The following GABRG1 variants were observed in gnomAD, a reference collection of about 807,000 sequenced individuals.
GABRG1 encodes the protein gamma-aminobutyric acid type A receptor subunit gamma1.
In GABRG1, 49 loss-of-function variants were observed where a neutral mutation model predicts 49.8. The ratio of observed to expected loss-of-function variants is 0.98; its 90% CI spans 0.78 to 1.25. GABRG1 has a LOEUF of 1.25. GABRG1 is among the 50% of genes most tolerant of loss of function. The probability of loss-of-function intolerance (pLI) is 0.00; values close to 1 mark genes in which losing one functional copy is unlikely to be tolerated. For missense variants in GABRG1, 552 were observed against 552.3 expected, an observed-to-expected ratio of 1.00 and a Z score of 0.01; for synonymous variants, 232 against 185.1, an observed-to-expected ratio of 1.25 and a Z score of -2.06.
intron 8 of GABRG1, among the ~76,000 whole-genome samples, chr4:46,051,128 A>C (rs1718201065): frequency 6.6e-6 from 1 of 151,948 alleles, no homozygotes; most frequent in Admixed American, 6.6e-5. Flanking sequence ...TAACACAAAA[A>C]ATCGGATCAA....
intron 1 of GABRG1, among the ~76,000 whole-genome samples, chr4:46,119,974 T>G (rs1471874496): frequency 6.6e-6 from 1 of 151,778 alleles, no homozygotes; most frequent in Non-Finnish European, 1.5e-5. Context: ...TTTCTTTTCA[T>G]ATAAAATTTT....
intron 8 of GABRG1, among the ~76,000 whole-genome samples, chr4:46,044,678 G>A (rs190374346): frequency 2.4e-4 from 36 of 152,200 alleles, no homozygotes; most frequent in African/African-American, 7.7e-4. Context: ...CTTCCACTCA[G>A]TATAAGGAAG....
intron 5 of GABRG1, among the ~76,000 whole-genome samples, chr4:46,062,563 C>A (rs1049691425): frequency 6.6e-6 from 1 of 152,130 alleles, no homozygotes; most frequent in African/African-American, 2.4e-5. Flanking sequence ...TTAATGATCG[C>A]CATTTTAACT....
chr4:46,071,576 A>G (rs1368483072), intron 3 of GABRG1, among the ~76,000 whole-genome samples: 2 of 151,850 alleles, frequency 1.3e-5, no homozygotes, highest in East Asian at 3.9e-4. Flanking sequence ...ACGTATTGTT[A>G]TCAGATCAGA....
intron 8 of GABRG1, among the ~76,000 whole-genome samples, chr4:46,041,497 T>C (rs1717782704): frequency 6.6e-6 from 1 of 151,912 alleles, no homozygotes; most frequent in East Asian, 1.9e-4. Context: ...TTTTATACAT[T>C]TAGAAAGTTG....
intron 5 of GABRG1, among the ~76,000 whole-genome samples, chr4:46,063,850 C>T (rs1228799572): frequency 6.6e-6 from 1 of 152,046 alleles, no homozygotes. Context: ...ACAAACAACC[C>T]CACCAAAAAG....
intron 2 of GABRG1, among the ~76,000 whole-genome samples, chr4:46,085,334 T>C (rs1719717823): frequency 6.6e-6 from 1 of 151,598 alleles, no homozygotes; most frequent in African/African-American, 2.4e-5. Context: ...AAAATAACTC[T>C]GGCATTTTAG....
At chr4:46,059,212 T>C (rs1718574071) in intron 5 of GABRG1, among the ~76,000 whole-genome samples, 1 of 152,182 alleles carries the variant, frequency 6.6e-6, no homozygotes, top group African/African-American at 2.4e-5. Context: ...TATTTTCTGT[T>C]GGCTATAACC....
chr4:46,077,185 G>C (rs533288799), intron 3 of GABRG1, among the ~76,000 whole-genome samples: 78 of 151,276 alleles, frequency 5.2e-4, no homozygotes, highest in Admixed American at 3.6e-3. Flanking sequence ...AGCATTAGGA[G>C]ATATACCTAA....
intron 3 of GABRG1, among the ~76,000 whole-genome samples, chr4:46,080,902 GTACTAC>G (rs1188080776): frequency 6.6e-6 from 1 of 151,724 alleles, no homozygotes; most frequent in Non-Finnish European, 1.5e-5. Flanking sequence ...TTTTAGCAAT[GTACTAC>G]TTTATGAAAT....
Position 46,039,529 on chromosome 4 carries a change from G to A in GABRG1, c.*1459C>T, listed in dbSNP as rs1403324364. 3.3e-5 allele frequency: 5 copies of A among 151,754 alleles called. No homozygotes were observed. Among genetic ancestry groups the A allele is most frequent in the Non-Finnish European group, 5.9e-5 (4 of 67,766 alleles). 9.4% of individuals were successfully genotyped at this position (151,754 alleles called of 1,614,324 possible). ...TCAAACCTTAAGTAAGATAGGCTGT[G>A]ATCATAAAACTCTTCATCATGGTCA... On this transcript the variant is annotated 3_prime_UTR_variant, in exon 9 of 9. Transcript: ENST00000295452.
At chr4:46,107,650 G>T (rs938951409) in intron 1 of GABRG1, among the ~76,000 whole-genome samples, 2 of 150,730 alleles carry the variant, frequency 1.3e-5, no homozygotes, top group Non-Finnish European at 3.0e-5. Flanking sequence ...TAGAAATGAT[G>T]ATTCTCTTGA....
At chr4:46,106,708 T>C (rs76485713) in intron 1 of GABRG1, among the ~76,000 whole-genome samples, 3,069 of 151,464 alleles carry the variant, frequency 0.02, 104 homozygotes, top group African/African-American at 0.069. Context: ...CCTTTCCTTG[T>C]AACATATCCT....
At chr4:46,060,777 C>T (rs75252674) in intron 5 of GABRG1, among the ~76,000 whole-genome samples, 2,697 of 152,078 alleles carry the variant, frequency 0.018, 91 homozygotes, top group African/African-American at 0.061. Context: ...ATTTTGATTT[C>T]TATAGTTTCT....
chr4:46,088,030 G>A (rs943569192), intron 2 of GABRG1, among the ~76,000 whole-genome samples: 1 of 151,990 alleles, frequency 6.6e-6, no homozygotes, highest in Non-Finnish European at 1.5e-5. Context: ...TTCAAGTACA[G>A]AACAGCCACT....
intron 3 of GABRG1, among the ~76,000 whole-genome samples, chr4:46,076,982 C>T (rs1343043611): frequency 1.3e-5 from 2 of 150,640 alleles, no homozygotes; most frequent in Non-Finnish European, 3.0e-5. Flanking sequence ...GGAACTATTC[C>T]ACATGTAAAA....
chr4:46,096,703 C>T (rs1044806804), intron 2 of GABRG1, among the ~76,000 whole-genome samples: 1 of 149,882 alleles, frequency 6.7e-6, no homozygotes, highest in African/African-American at 2.5e-5. Flanking sequence ...AAAAAAGTGT[C>T]CTTAAAAAAG....
chr4:46,047,635 A>G (rs980633482), intron 8 of GABRG1, among the ~76,000 whole-genome samples: 1 of 151,998 alleles, frequency 6.6e-6, no homozygotes, highest in Non-Finnish European at 1.5e-5. Flanking sequence ...CTTTAAAAAT[A>G]CATTTTATGT....
intron 2 of GABRG1, among the ~76,000 whole-genome samples, chr4:46,087,399 G>C (rs1328068578): frequency 6.6e-6 from 1 of 151,312 alleles, no homozygotes; most frequent in Admixed American, 6.6e-5. Context: ...AATAATATAA[G>C]TATATTCTAG....
Sources: gnomAD v4.1 joint callset for allele counts (sites outside exome capture counted in the v4.1 genomes callset) on GRCh38, gnomAD v4.1.1 for gene constraint, MANE v1.5 for transcripts, NCBI Gene and HGNC (gene_info 2026-07-23, HGNC 2026-07-21) for gene names.